PRKCA: variants seen among roughly 807,000 people sequenced by gnomAD.
PRKCA encodes the protein protein kinase C alpha type.
A neutral mutation model predicts 87.0 loss-of-function variants in PRKCA; 27 were observed. The observed-to-expected ratio is 0.31, with a 90% confidence interval of 0.23 to 0.43. PRKCA has a LOEUF of 0.43. Ranked by LOEUF, PRKCA falls within the 20% of genes least tolerant of loss-of-function variation. The pLI is 1.00. For synonymous variants in PRKCA, 329 were observed against 311.1 expected (o/e 1.06, Z -0.61); for missense variants, 518 against 852.3 (o/e 0.61, Z 4.88).
chr17:66,544,741 C>T (rs917831638), intron 3 of PRKCA, among the ~76,000 whole-genome samples: 8 of 151,828 alleles, frequency 5.3e-5, no homozygotes, highest in Admixed American at 1.3e-4. Context: ...TACAGGCATG[C>T]GCCACCATGC....
In PRKCA at chr17:66,393,618, C is replaced by T. The variant is rs576542929; in HGVS notation, c.205+87491C>T. On this transcript the variant is annotated intron_variant, in intron 2 of 16. Coordinates refer to ENST00000413366, the MANE Select transcript of PRKCA (RefSeq NM_002737.3). ...ACATGGGTCCCTGCAGGAGGCCTCT[C>T]GGCCTTCTTCCATGTGTGTGCACGT... 8.0e-5 allele frequency among the ~76,000 whole-genome samples: 12 copies of T among 150,578 alleles called. No individual in the cohort carries two copies. The South Asian group carries it at 1.3e-3, about 16-fold the overall frequency.
At position 66,333,691 on chromosome 17, in the gene PRKCA, G is replaced by T. The variant is rs538399270; in HGVS notation, c.205+27564G>T. Among the ~76,000 whole-genome samples the T allele has an allele frequency of 3.3e-5, 5 of 152,054 alleles. 1 individual carries two copies. Among genetic ancestry groups the T allele is most frequent in the Admixed American group, 2.6e-4 (4 of 15,272 alleles). ...ATTAAGTCCTGGCCTTTGCAGTTCT[G>T]TTGTCAGCCTCCCCCAGGAACCAGT... On this transcript the variant is annotated intron_variant, in intron 2 of 16. Transcript: ENST00000413366.
chr17:66,398,049 T>C (rs1336915183), intron 2 of PRKCA: 1 of 152,224 alleles, frequency 6.6e-6, no homozygotes, highest in Non-Finnish European at 1.5e-5. Context: ...AATCCCTATG[T>C]CAATGTACAT....
Position 66,711,612 on chromosome 17 carries a change from C to T in PRKCA, c.919-21076C>T, listed in dbSNP as rs556603374. ...ACCAGCTGTGCTCTCAGCGTATTGCCTGTGTTCGTAATTAAAATCAGCCCA... is the reference window on the plus strand; with the variant it reads ...ACCAGCTGTGCTCTCAGCGTATTGCTTGTGTTCGTAATTAAAATCAGCCCA... On this transcript the variant is annotated intron_variant, in intron 8 of 16. Coordinates refer to ENST00000413366, the MANE Select transcript of PRKCA (RefSeq NM_002737.3). Among the ~76,000 whole-genome samples, 4 of 152,284 alleles carry T rather than the reference C, an allele frequency of 2.6e-5. No homozygotes were observed. The East Asian group carries it at 7.7e-4, about 29-fold the overall frequency.
At chr17:66,758,058 T>G (rs1266084148) in intron 13 of PRKCA, among the ~76,000 whole-genome samples, 2 of 152,266 alleles carry the variant, frequency 1.3e-5, no homozygotes, top group Middle Eastern at 3.4e-3. Flanking sequence ...GAAAGTGACA[T>G]AGGTCAGAAA....
At chr17:66,345,707 G>T (rs960344664) in intron 2 of PRKCA, among the ~76,000 whole-genome samples, 1 of 152,112 alleles carries the variant, frequency 6.6e-6, no homozygotes, top group Admixed American at 6.5e-5. Flanking sequence ...TTATTTCATC[G>T]TAAAATTGCA....
intron 13 of PRKCA, among the ~76,000 whole-genome samples, chr17:66,772,363 C>G (rs1568025022): frequency 6.6e-6 from 1 of 151,984 alleles, no homozygotes; most frequent in Non-Finnish European, 1.5e-5. Context: ...TTGTTACTGC[C>G]CACACTTAAA....
At chr17:66,523,217 C>G (rs1041750105) in intron 3 of PRKCA, among the ~76,000 whole-genome samples, 1 of 152,138 alleles carries the variant, frequency 6.6e-6, no homozygotes, top group African/African-American at 2.4e-5. Context: ...GGGGCACTGA[C>G]TTCCCAAATT....
chr17:66,424,747 C>T (rs1386261000), intron 2 of PRKCA, among the ~76,000 whole-genome samples: 1 of 151,832 alleles, frequency 6.6e-6, no homozygotes, highest in African/African-American at 2.4e-5. Flanking sequence ...CTGTTCCCCC[C>T]ACCCCCACCG....
intron 3 of PRKCA, among the ~76,000 whole-genome samples, chr17:66,546,939 C>T (rs1326346650): frequency 6.6e-6 from 1 of 152,192 alleles, no homozygotes; most frequent in East Asian, 1.9e-4. Flanking sequence ...TATTTCCCCT[C>T]ATTTTGCCAA....
intron 16 of PRKCA, 77 bp downstream of exon 16, chr17:66,789,056 T>G (rs1266382140): frequency 6.6e-7 from 1 of 1,510,826 alleles, no homozygotes; most frequent in Non-Finnish European, 8.8e-7. Flanking sequence ...CCTCTTTTCT[T>G]GGAGAGAGGA....
intron 3 of PRKCA, among the ~76,000 whole-genome samples, chr17:66,565,722 CT>C (rs1968870351): frequency 6.6e-6 from 1 of 151,330 alleles, no homozygotes; most frequent in Non-Finnish European, 1.5e-5. Context: ...CAGGTGTTAT[CT>C]TTTTCTGTTC....
At chr17:66,434,656 CT>C (rs1598667999) in intron 2 of PRKCA, among the ~76,000 whole-genome samples, 1 of 150,422 alleles carries the variant, frequency 6.6e-6, no homozygotes, top group East Asian at 2.0e-4. Flanking sequence ...AGGCACACGC[CT>C]TTTTTCCCCG....
At chr17:66,629,309 T>G (rs565925173) in intron 3 of PRKCA, among the ~76,000 whole-genome samples, 63 of 152,360 alleles carry the variant, frequency 4.1e-4, no homozygotes, top group South Asian at 1.2e-3. Context: ...TTATACTATT[T>G]GAACTTCATG....
chr17:66,367,271 G>T (rs1449514624), intron 2 of PRKCA, among the ~76,000 whole-genome samples: 2 of 152,194 alleles, frequency 1.3e-5, no homozygotes, highest in African/African-American at 2.4e-5. Flanking sequence ...GCACAAGTGC[G>T]CAGGCCTTTG....
intron 14 of PRKCA, among the ~76,000 whole-genome samples, chr17:66,783,934 G>T (rs769841917): frequency 1.2e-4 from 19 of 152,224 alleles, no homozygotes; most frequent in Non-Finnish European, 2.1e-4. Flanking sequence ...AGCCTACACG[G>T]TCGCACAGGG....
intron 13 of PRKCA, among the ~76,000 whole-genome samples, chr17:66,760,868 G>A (rs1974667320): frequency 6.6e-6 from 1 of 152,152 alleles, no homozygotes; most frequent in Admixed American, 6.5e-5. Context: ...ATAAACAATT[G>A]CAAACACTGC....
chr17:66,737,236 G>A (rs980664738), intron 10 of PRKCA, among the ~76,000 whole-genome samples: 6 of 151,838 alleles, frequency 4.0e-5, no homozygotes, highest in Admixed American at 1.3e-4. Context: ...GGTGGCGGGC[G>A]CCTGTAGTCC....
chr17:66,485,311 A>C (rs148955300), intron 2 of PRKCA, among the ~76,000 whole-genome samples: 11 of 152,328 alleles, frequency 7.2e-5, no homozygotes, highest in Admixed American at 1.3e-4. Context: ...CAAAAGAAAT[A>C]AAAAGATCCT....
Sources: gnomAD v4.1 joint callset for allele counts (sites outside exome capture counted in the v4.1 genomes callset) on GRCh38, gnomAD v4.1.1 for gene constraint, MANE v1.5 for transcripts, NCBI Gene and HGNC (gene_info 2026-07-23, HGNC 2026-07-21) for gene names.